The following FN3KRP variants were observed in gnomAD, a reference collection of about 807,000 sequenced individuals.
The protein encoded by FN3KRP is fructosamine 3 kinase related protein, also known as ketosamine-3-kinase.
FN3KRP carries 33 observed loss-of-function variants against 29.8 expected under a neutral mutation model. The observed-to-expected ratio is 1.11, with a 90% CI of 0.84 to 1.48. The LOEUF (loss-of-function observed/expected upper bound fraction) is 1.48, where lower values mean the gene tolerates loss of function less well. FN3KRP is among the 40% of genes most tolerant of loss of function. FN3KRP has a pLI of 0.00. For synonymous variants in FN3KRP, 157 were observed against 155.2 expected (o/e 1.01, Z -0.09); for missense variants, 430 against 402.6 (o/e 1.07, Z -0.58).
rs1362931018 is a variant in FN3KRP, at chr17:82,727,249, CT to C, written c.*79del. 3.0e-6 allele frequency: 4 copies of C among 1,318,500 alleles called. No individual in the cohort carries two copies. The African/African-American group carries it at 4.4e-5, about 15-fold the overall frequency. 81.7% of individuals were successfully genotyped at this position (1,318,500 alleles called of 1,614,324 possible). ...GGGCAAATTCTTGTTTCTTCACATG[CT>C]GGACTAGCTTAAGACCAATGCAGTA... On this transcript the variant is annotated 3_prime_UTR_variant, in exon 6 of 6. Transcript: ENST00000269373.
chr17:82,716,801 G>A lies in FN3KRP; in HGVS notation c.46G>A (p.Ala16Thr). 1 of 1,550,156 alleles carries A rather than the reference G, an allele frequency of 6.5e-7. No homozygotes were observed. Among genetic ancestry groups the A allele is most frequent in the Admixed American group, 2.1e-5 (1 of 47,570 alleles). Residue 16 changes from alanine (A) to threonine (T), a missense_variant, in exon 1 of 6, where the codon GCC becomes ACC. Ala to Thr is a moderately conservative substitution (Grantham distance 58). Transcript: ENST00000269373. ...RRELGCSSVR[A>T]TGHSGGGCIS... Reference sequence around the variant, plus strand: ...CGAGCTGGGCTGCAGCTCTGTCAGGGCCACGGGCCACTCGGGGGGCGGGTG... The same window carrying A: ...CGAGCTGGGCTGCAGCTCTGTCAGGACCACGGGCCACTCGGGGGGCGGGTG...
At chr17:82,718,174 T>TTG (rs747590035) in intron 1 of FN3KRP, among the ~76,000 whole-genome samples, 19 of 143,122 alleles carry the variant, frequency 1.3e-4, no homozygotes, top group East Asian at 1.0e-3. Flanking sequence ...TCTGTATATG[T>TTG]TGTGTGTGTG....
chr17:82,726,997 T>C lies in FN3KRP; in HGVS notation c.756T>C (p.Phe252=), dbSNP rs1302835799. The C allele has an allele frequency of 6.2e-7, 1 of 1,614,158 alleles. No homozygotes were observed. The highest frequency in any genetic ancestry group is 1.1e-5 in the South Asian group (1 of 91,082). ...SEYELAIAGM[F]GGFSSSFYSA... ...ATGAGCTGGCAATAGCTGGCATGTT[T>C]GGGGGCTTTAGCAGCTCCTTTTACT... Residue 252 remains phenylalanine, a synonymous_variant, in exon 6 of 6, where the codon TTT becomes TTC. Transcript: ENST00000269373.
At chr17:82,722,923 G>A (rs1305427694) in intron 4 of FN3KRP, 37 bp downstream of exon 4, 2 of 1,592,908 alleles carry the variant, frequency 1.3e-6, no homozygotes, top group East Asian at 2.2e-5. Flanking sequence ...TCACAATCAG[G>A]TCAGCTGTTC....
rs374765988 is a variant in FN3KRP, at chr17:82,726,519, C to T, written c.508C>T (p.Arg170Trp). Residue 170 changes from arginine (R) to tryptophan (W), a missense_variant, in exon 5 of 6, where the codon CGG (arginine) becomes TGG (tryptophan). Transcript: ENST00000269373. ...GGAGGACTGGGTCGTGTTCTATGCC[C>T]GGCAGCGCATTCAGCCCCAGATGGA... ...WQEDWVVFYA[R>W]QRIQPQMDMV... is the part of the protein sequence containing the mutation. 5.6e-5 allele frequency: 90 copies of T among 1,614,124 alleles called. No individual in the cohort carries two copies. Among genetic ancestry groups the T allele is most frequent in the South Asian group, 2.3e-4 (21 of 91,082 alleles).
chr17:82,722,941 CG>C (rs1163537055), intron 4 of FN3KRP, 55 bp downstream of exon 4: 1 of 1,503,560 alleles, frequency 6.7e-7, no homozygotes, highest in Non-Finnish European at 9.2e-7. Context: ...TTCAGACACA[CG>C]GGTTGGGGGG....
Position 82,718,964 on chromosome 17 carries a change from C to T in FN3KRP, c.200C>T (p.Thr67Met), listed in dbSNP as rs148310291. 444 of 1,614,176 alleles carry T rather than the reference C, an allele frequency of 2.8e-4. 4 individuals are homozygous for T. The South Asian group carries it at 4.5e-3, about 16-fold the overall frequency. Residue 67 changes from threonine (T) to methionine (M), a missense_variant, in exon 2 of 6, where the codon ACG becomes ATG. Thr to Met is a moderately conservative substitution (Grantham distance 81). Coordinates refer to ENST00000269373, the MANE Select transcript of FN3KRP (RefSeq NM_024619.4). The stretch of plus-strand genomic sequence containing the variant: ...TTAACTGCCATCCTGAAAACAAACA[C>T]GGTGAAAGTGCCCAAGCCCATCAAG... The part of the protein sequence containing the change: ...ASLTAILKTN[T>M]VKVPKPIKVL...
At chr17:82,723,509 ATGTG>A (rs1187017410) in intron 4 of FN3KRP, among the ~76,000 whole-genome samples, 2 of 150,900 alleles carry the variant, frequency 1.3e-5, no homozygotes, top group Admixed American at 6.6e-5. Context: ...GTGTGTGTGC[ATGTG>A]TGTGTGTGCA....
intron 4 of FN3KRP, among the ~76,000 whole-genome samples, chr17:82,723,223 C>T (rs1044865543): frequency 2.0e-5 from 3 of 152,210 alleles, no homozygotes; most frequent in African/African-American, 4.8e-5. Flanking sequence ...GGTGGCTTCC[C>T]TCCGCATTTC....
In FN3KRP at chr17:82,722,950, G is replaced by T. The variant is rs2046809046; in HGVS notation, c.468+64G>T. The T allele has an allele frequency of 4.3e-6, 6 of 1,396,558 alleles. No homozygotes were observed. In the East Asian group the frequency reaches 1.4e-4, roughly 32 times the overall value. The allele number at this position is 1,396,558 out of a possible 1,614,324, so 86.5% of individuals were successfully genotyped here. On this transcript the variant is annotated intron_variant, in intron 4 of 5. Transcript: ENST00000269373. ...CAGCTGTTCAGACACACGGGTTGGG[G>T]GGACACACCCCCCTCCTTTTTTTGT...
Position 82,727,217 on chromosome 17 carries a change from C to A in FN3KRP, c.*46C>A. The stretch of plus-strand genomic sequence containing the variant: ...AGGCCTCAGAGGTTTCTCCACAGTC[C>A]TCTTCTGGGCAAATTCTTGTTTCTT... On this transcript the variant is annotated 3_prime_UTR_variant, in exon 6 of 6. Coordinates refer to ENST00000269373, the MANE Select transcript of FN3KRP (RefSeq NM_024619.4). 6.6e-7 allele frequency: 1 copy of A among 1,522,120 alleles called. No homozygotes were observed. The highest frequency in any genetic ancestry group is 8.9e-7 in the Non-Finnish European group (1 of 1,118,668). The allele number at this position is 1,522,120 out of a possible 1,614,324, so 94.3% of individuals were successfully genotyped here.
chr17:82,727,337 G>A lies in FN3KRP; in HGVS notation c.*166G>A, dbSNP rs146163729. On this transcript the variant is annotated 3_prime_UTR_variant, in exon 6 of 6. Transcript: ENST00000269373. ...AGAGGAAAGGTTTTGTCATCCCAGCGTTGTCCACTTTGTGGGGCTTTGTAG... is the reference window on the plus strand; with the variant it reads ...AGAGGAAAGGTTTTGTCATCCCAGCATTGTCCACTTTGTGGGGCTTTGTAG... 1.5e-5 allele frequency: 10 copies of A among 650,968 alleles called. No individual in the cohort carries two copies. The highest frequency in any genetic ancestry group is 1.3e-4 in the South Asian group (6 of 46,542). 40.3% of individuals were successfully genotyped at this position (650,968 alleles called of 1,614,324 possible).
chr17:82,719,078 C>CCACCCCG (rs774420863), intron 2 of FN3KRP, 21 bp downstream of exon 2: 36 of 1,592,564 alleles, frequency 2.3e-5, no homozygotes, highest in Non-Finnish European at 2.7e-5. Context: ...ACACCACCCC[C>CCACCCCG]CACCTGGCTT....
chr17:82,721,522 A>G (rs553358628), intron 3 of FN3KRP, among the ~76,000 whole-genome samples: 40 of 151,618 alleles, frequency 2.6e-4, no homozygotes, highest in African/African-American at 9.2e-4. Context: ...TATTTTTTTG[A>G]GAAGGAGTCT....
chr17:82,726,742 G>A (rs985187475), intron 5 of FN3KRP, 91 bp from the exon 6 acceptor site: 10 of 1,491,210 alleles, frequency 6.7e-6, no homozygotes, highest in Non-Finnish European at 8.1e-6. Context: ...GCTATCCGCT[G>A]CTGCCTGGGC....
At chr17:82,725,328 C>T (rs2046829508) in intron 4 of FN3KRP, among the ~76,000 whole-genome samples, 1 of 151,980 alleles carries the variant, frequency 6.6e-6, no homozygotes, top group Non-Finnish European at 1.5e-5. Flanking sequence ...ACAGGGGTCT[C>T]ACTATGTTGC....
intron 4 of FN3KRP, 47 bp downstream of exon 4, chr17:82,722,933 C>G: frequency 6.4e-7 from 1 of 1,551,734 alleles, no homozygotes; most frequent in Non-Finnish European, 8.9e-7. Context: ...GTCAGCTGTT[C>G]AGACACACGG....
chr17:82,723,301 A>C (rs1283200439), intron 4 of FN3KRP, among the ~76,000 whole-genome samples: 1 of 151,920 alleles, frequency 6.6e-6, no homozygotes, highest in Non-Finnish European at 1.5e-5. Flanking sequence ...TGTCCTCGAG[A>C]GGAGGGTACA....
intron 1 of FN3KRP, among the ~76,000 whole-genome samples, chr17:82,717,212 G>A (rs1304190792): frequency 6.6e-6 from 1 of 152,208 alleles, no homozygotes; most frequent in African/African-American, 2.4e-5. Flanking sequence ...GGGACTGGCT[G>A]CTGCAGTCTT....
Sources: allele counts gnomAD v4.1 joint callset (sites outside exome capture counted in the v4.1 genomes callset), GRCh38; gene constraint gnomAD v4.1.1; transcripts MANE v1.5; gene names NCBI Gene and HGNC (gene_info 2026-07-23, HGNC 2026-07-21).